EVL: variants seen among roughly 807,000 people sequenced by gnomAD.
The protein encoded by EVL is ena/VASP-like protein.
In EVL, 21 loss-of-function variants were observed where a neutral mutation model predicts 59.6. The observed-to-expected ratio is 0.35, with a 90% CI of 0.25 to 0.51. EVL has a LOEUF of 0.51. EVL is among the 20% of genes least tolerant of loss of function. The probability of loss-of-function intolerance (pLI) is 0.97; values close to 1 mark genes in which losing one functional copy is unlikely to be tolerated. For missense variants in EVL, 462 were observed against 546.6 expected (o/e 0.85, Z 1.54); for synonymous variants, 198 against 203.5 (o/e 0.97, Z 0.23).
chr14:100,099,240 ACCCAGTTTAAGTG>A (rs1263346048), intron 3 of EVL, among the ~76,000 whole-genome samples: 2 of 151,386 alleles, frequency 1.3e-5, no homozygotes, highest in Non-Finnish European at 2.9e-5. Flanking sequence ...GAGCTTTAGG[ACCCAGTTTAAGTG>A]TTAGGAGATC....
chr14:100,054,728 G>T (rs2061700275), intron 1 of EVL, among the ~76,000 whole-genome samples: 1 of 152,106 alleles, frequency 6.6e-6, no homozygotes, highest in Admixed American at 6.5e-5. Context: ...TCCCCTTATT[G>T]ACTCTGGTGC....
chr14:100,136,708 G>T (rs1334319694), intron 9 of EVL, among the ~76,000 whole-genome samples: 1 of 152,146 alleles, frequency 6.6e-6, no homozygotes, highest in African/African-American at 2.4e-5. Flanking sequence ...TGCACGCCAT[G>T]TCCTCTCCTC....
chr14:100,068,872 A>G (rs2061992087), intron 1 of EVL, among the ~76,000 whole-genome samples: 1 of 152,158 alleles, frequency 6.6e-6, no homozygotes, highest in African/African-American at 2.4e-5. Flanking sequence ...GTCGCGGTGC[A>G]GCAGCAGGAA....
At chr14:100,104,539 C>A (rs963963240) in intron 3 of EVL, among the ~76,000 whole-genome samples, 6 of 152,246 alleles carry the variant, frequency 3.9e-5, no homozygotes, top group African/African-American at 1.2e-4. Context: ...GCTCTCCACA[C>A]TAGTGTGAGG....
intron 1 of EVL, among the ~76,000 whole-genome samples, chr14:100,079,410 C>T (rs2062241898): frequency 1.3e-5 from 2 of 152,300 alleles, no homozygotes; most frequent in Non-Finnish European, 2.9e-5. Flanking sequence ...CAGGGACTGG[C>T]TTTACCAAGG....
chr14:100,075,523 G>A (rs771149278), intron 1 of EVL, among the ~76,000 whole-genome samples: 11 of 152,148 alleles, frequency 7.2e-5, no homozygotes, highest in Non-Finnish European at 1.6e-4. Context: ...TCTAGCCCCC[G>A]ACCCTTCACT....
chr14:99,984,353 A>ACTT (rs1460921158), intron 1 of EVL, among the ~76,000 whole-genome samples: 1 of 152,094 alleles, frequency 6.6e-6, no homozygotes, highest in African/African-American at 2.4e-5. Flanking sequence ...TGTTTCTCAA[A>ACTT]CTTGAATATG....
chr14:99,976,586 G>A (rs2060771748), intron 1 of EVL, among the ~76,000 whole-genome samples: 1 of 151,824 alleles, frequency 6.6e-6, no homozygotes, highest in Non-Finnish European at 1.5e-5. Flanking sequence ...AAAATTATTT[G>A]TAGGAATAAT....
intron 1 of EVL, among the ~76,000 whole-genome samples, chr14:100,023,747 C>T (rs986862785): frequency 1.3e-5 from 2 of 152,162 alleles, no homozygotes; most frequent in African/African-American, 2.4e-5. Context: ...CAGGCATGAG[C>T]CACCGTACCC....
chr14:100,065,504 G>A lies in EVL; in HGVS notation c.4G>A (p.Ala2Thr). 1 of 1,523,466 alleles carries A rather than the reference G, an allele frequency of 6.6e-7. No homozygotes were observed. Among genetic ancestry groups the A allele is most frequent in the Non-Finnish European group, 8.9e-7 (1 of 1,125,068 alleles). The allele number at this position is 1,523,466 out of a possible 1,614,324, so 94.4% of individuals were successfully genotyped here. The change falls in exon 1 of 14, where the codon GCC becomes ACC. Residue 2 changes from alanine to threonine, a missense_variant. Ala to Thr is a moderately conservative substitution (Grantham distance 58). Coordinates refer to ENST00000392920, the MANE Select transcript of EVL (RefSeq NM_016337.3). M[A>T]TSEQSICQAR... ...CCTGTGCTGCCACTTTTCAGCCATG[G>A]CCACAAGGTGAGTATTGGAACCAGT...
At position 100,021,243 on chromosome 14, in the gene EVL, C is replaced by A. The variant is rs568831029; in HGVS notation, c.5+49186C>A. Among the ~76,000 whole-genome samples the A allele has an allele frequency of 4.6e-5, 7 of 152,272 alleles. No individual in the cohort carries two copies. In the South Asian group the frequency reaches 1.2e-3, roughly 27 times the overall value. ...AGGGTTATGTATGAACACATCCACT[C>A]GCATTGTGGTGGGCTTCTAATCTAA... is the stretch of plus-strand genomic sequence containing the variant. On this transcript the variant is annotated intron_variant, in intron 1 of 13. Coordinates refer to the EVL transcript ENST00000402714.
At chr14:100,098,428 A>G (rs548556790) in intron 3 of EVL, among the ~76,000 whole-genome samples, 6 of 152,342 alleles carry the variant, frequency 3.9e-5, no homozygotes, top group Non-Finnish European at 5.9e-5. Flanking sequence ...GAGTGCAGAT[A>G]GGAAAGAGAT....
intron 1 of EVL, among the ~76,000 whole-genome samples, chr14:99,992,741 G>A (rs117786720): frequency 0.012 from 1,787 of 152,242 alleles, 13 homozygotes; most frequent in Middle Eastern, 0.054. Context: ...GACCATACAT[G>A]CAAATGGACA....
rs529614117 is a variant in EVL at position 100,130,573 on chromosome 14, T to C, written c.839+889T>C. The stretch of plus-strand genomic sequence containing the variant: ...CCCTCCCAGCTGCCTTCCAATTGGC[T>C]GACCCAAGTGAGAACTCTGTGTGCC... On this transcript the variant is annotated intron_variant, in intron 7 of 13. Coordinates refer to ENST00000392920, the MANE Select transcript of EVL (RefSeq NM_016337.3). This position sits in a 1 kb window ranked among gnomAD's most constrained non-coding sequence, Gnocchi z 4.8. Among the ~76,000 whole-genome samples the C allele has an allele frequency of 2.6e-5, 4 of 152,342 alleles. No homozygotes were observed. In the East Asian group the frequency reaches 7.7e-4, roughly 29 times the overall value.
At chr14:99,994,241 T>C (rs1045576611) in intron 1 of EVL, among the ~76,000 whole-genome samples, 8 of 151,596 alleles carry the variant, frequency 5.3e-5, no homozygotes, top group Non-Finnish European at 1.2e-4. Flanking sequence ...CTATGTCTTT[T>C]AATTGGACTT....
At chr14:100,050,279 A>G (rs2061625042) in intron 1 of EVL, among the ~76,000 whole-genome samples, 1 of 152,210 alleles carries the variant, frequency 6.6e-6, no homozygotes, top group Non-Finnish European at 1.5e-5. Flanking sequence ...AAGAAATGTC[A>G]ACAGGAGGTA....
intron 1 of EVL, among the ~76,000 whole-genome samples, chr14:100,076,647 G>T (rs2062167599): frequency 6.6e-6 from 1 of 152,222 alleles, no homozygotes; most frequent in East Asian, 1.9e-4. Flanking sequence ...GTACAAATTA[G>T]TGGGTCGGCT....
intron 3 of EVL, among the ~76,000 whole-genome samples, chr14:100,121,725 G>A (rs1382816310): frequency 6.6e-6 from 1 of 152,182 alleles, no homozygotes; most frequent in African/African-American, 2.4e-5. Context: ...GGAATCCAAA[G>A]CACACAACCA....
intron 11 of EVL, 75 bp downstream of exon 11, chr14:100,137,877 C>G: frequency 7.1e-7 from 1 of 1,416,640 alleles, no homozygotes; most frequent in Admixed American, 1.7e-5. Flanking sequence ...TGACTAACAC[C>G]CTTGCACGCT....
Sources: allele counts gnomAD v4.1 joint callset (sites outside exome capture counted in the v4.1 genomes callset), GRCh38; gene constraint gnomAD v4.1.1; non-coding constraint Gnocchi (gnomAD v3.1); transcripts MANE v1.5; gene names NCBI Gene and HGNC (gene_info 2026-07-23, HGNC 2026-07-21).